UPF2: variants seen among roughly 807,000 people sequenced by gnomAD.
UPF2 encodes the protein regulator of nonsense transcripts 2.
A neutral mutation model predicts 141.4 loss-of-function variants in UPF2; 17 were observed. That is an observed-to-expected ratio of 0.12 (90% CI 0.08 to 0.18). The LOEUF is 0.18. Among genes scored for constraint, UPF2 ranks in the 10% least tolerant of loss-of-function variants. The pLI is 1.00. For synonymous variants in UPF2, 540 were observed against 498.0 expected, an observed-to-expected ratio of 1.08 and a Z score of -1.12; for missense variants, 1,152 against 1,515.9, an observed-to-expected ratio of 0.76 and a Z score of 3.99.
At chr10:11,990,537 G>A (rs922170561) in intron 8 of UPF2, among the ~76,000 whole-genome samples, 6 of 151,902 alleles carry the variant, frequency 3.9e-5, no homozygotes, top group South Asian at 2.1e-4. Context: ...AAAATTAGCC[G>A]GGCGTGGTGG....
rs959101222 is a variant in UPF2 at position 11,939,110 on chromosome 10, T to C, written c.3379-2398A>G. ...GGGTCTCGATCTCCTGACCTCGTGATCCTCCCACCTCGGCCTCCCAAAGTG... is the reference window on the plus strand; with the variant it reads ...GGGTCTCGATCTCCTGACCTCGTGACCCTCCCACCTCGGCCTCCCAAAGTG... On this transcript the variant is annotated intron_variant, in intron 18 of 21. Transcript: ENST00000357604. The surrounding 1 kb of genome is among the most constrained non-coding windows in gnomAD (Gnocchi z 4.8). Among the ~76,000 whole-genome samples the C allele has an allele frequency of 6.6e-6, 1 of 152,038 alleles. No individual in the cohort carries two copies. Among genetic ancestry groups the C allele is most frequent in the Non-Finnish European group, 1.5e-5 (1 of 68,002 alleles).
intron 6 of UPF2, among the ~76,000 whole-genome samples, chr10:12,000,313 T>G (rs1363451238): frequency 6.6e-6 from 1 of 152,150 alleles, no homozygotes; most frequent in African/African-American, 2.4e-5. Flanking sequence ...CAGCATCCCT[T>G]CCCCCATGTT....
chr10:11,931,825 C>A lies in UPF2; in HGVS notation c.3547-43G>T. 6.4e-7 allele frequency: 1 copy of A among 1,562,836 alleles called. No individual in the cohort carries two copies. Among genetic ancestry groups the A allele is most frequent in the Admixed American group, 2.1e-5 (1 of 47,182 alleles). On this transcript the variant is annotated intron_variant, in intron 19 of 21. Coordinates refer to ENST00000357604, the MANE Select transcript of UPF2 (RefSeq NM_015542.4). The surrounding 1 kb of genome is among the most constrained non-coding windows in gnomAD (Gnocchi z 5.9). The stretch of plus-strand genomic sequence containing the variant: ...AGGAGTTACAAATAGTTTGAGAACA[C>A]TGAGAGAAAGAAAAAACAGACTTCA...
intron 16 of UPF2, among the ~76,000 whole-genome samples, chr10:11,948,005 TG>T (rs935320558): frequency 1.3e-4 from 19 of 151,730 alleles, no homozygotes; most frequent in Non-Finnish European, 1.5e-4. Flanking sequence ...TCCAGCACTT[TG>T]GGAGGCTGAG....
chr10:11,929,277 A>G (rs1832752742), intron 21 of UPF2, among the ~76,000 whole-genome samples: 1 of 152,364 alleles, frequency 6.6e-6, no homozygotes, highest in African/African-American at 2.4e-5. Flanking sequence ...CACAAAGCCT[A>G]TGATGTCTCT....
intron 15 of UPF2, among the ~76,000 whole-genome samples, chr10:11,951,452 T>A (rs941196905): frequency 1.3e-5 from 2 of 152,198 alleles, no homozygotes; most frequent in African/African-American, 4.8e-5. Flanking sequence ...TTTGTACTGG[T>A]TATTTCTAAA....
Position 11,959,185 on chromosome 10 carries a change from C to G in UPF2, c.2356G>C (p.Val786Leu). The G allele has an allele frequency of 2.5e-6, 4 of 1,600,422 alleles. No homozygotes were observed. Among genetic ancestry groups the G allele is most frequent in the Non-Finnish European group, 3.4e-6 (4 of 1,174,918 alleles). The change falls in exon 12 of 22, where the codon GTT (valine) becomes CTT (leucine). Residue 786 changes from valine to leucine, a missense_variant. Transcript: ENST00000357604. This position sits in a 1 kb window ranked among gnomAD's most constrained non-coding sequence, Gnocchi z 5.9. Reference protein sequence around the residue: ...RKLLYKDLSKVTTEKVLRQMR... With the variant: ...RKLLYKDLSKLTTEKVLRQMR... Reference sequence around the variant, plus strand: ...ATAAGATTTACCTTCTCGGTGGTAACCTTAGAGAGATCCTTGTACAAAAGT... The same window carrying G: ...ATAAGATTTACCTTCTCGGTGGTAAGCTTAGAGAGATCCTTGTACAAAAGT...
At chr10:11,962,413 TTA>T (rs1316440105) in intron 11 of UPF2, among the ~76,000 whole-genome samples, 2 of 152,178 alleles carry the variant, frequency 1.3e-5, no homozygotes, top group Admixed American at 1.3e-4. Context: ...AGGCAGAATT[TTA>T]GTCTTATCTT....
intron 10 of UPF2, among the ~76,000 whole-genome samples, chr10:11,965,987 C>T (rs568828684): frequency 6.6e-6 from 1 of 152,324 alleles, no homozygotes; most frequent in East Asian, 1.9e-4. Context: ...TCCATCTATT[C>T]TCCACCAGCT....
At chr10:11,967,074 T>C (rs988913647) in intron 10 of UPF2, among the ~76,000 whole-genome samples, 1 of 152,254 alleles carries the variant, frequency 6.6e-6, no homozygotes, top group Non-Finnish European at 1.5e-5. Context: ...TCCTAGTAGT[T>C]GTTTTAATCA....
chr10:11,921,452 G>A lies in UPF2; in HGVS notation c.3810-145C>T. The A allele has an allele frequency of 5.9e-6, 5 of 842,050 alleles. No homozygotes were observed. Among genetic ancestry groups the A allele is most frequent in the East Asian group, 2.5e-5 (1 of 40,588 alleles). The allele number at this position is 842,050 out of a possible 1,614,324, so 52.2% of individuals were successfully genotyped here. On this transcript the variant is annotated intron_variant, in intron 21 of 21. Coordinates refer to ENST00000357604, the MANE Select transcript of UPF2 (RefSeq NM_015542.4). The surrounding 1 kb of genome is among the most constrained non-coding windows in gnomAD (Gnocchi z 5.9). The stretch of plus-strand genomic sequence containing the variant: ...TGGCATCTGCGGGTTCCACATCCAT[G>A]GACCAAAAATATTCGGGGGAAAAAA...
At chr10:12,007,093 A>G (rs1050274861) in intron 4 of UPF2, among the ~76,000 whole-genome samples, 1 of 152,222 alleles carries the variant, frequency 6.6e-6, no homozygotes, top group Non-Finnish European at 1.5e-5. Flanking sequence ...AGCAGCCTGA[A>G]AAGACTAAGA....
chr10:11,986,849 G>GT (rs1031562479), intron 8 of UPF2, among the ~76,000 whole-genome samples: 27 of 152,196 alleles, frequency 1.8e-4, no homozygotes, highest in Non-Finnish European at 3.2e-4. Flanking sequence ...TCCAAATTGA[G>GT]TGAAGGAGGA....
At chr10:12,028,383 T>C (rs1834457286) in intron 3 of UPF2, among the ~76,000 whole-genome samples, 1 of 152,178 alleles carries the variant, frequency 6.6e-6, no homozygotes, top group African/African-American at 2.4e-5. Context: ...GCAAACCTGT[T>C]ATAGAGAGAA....
intron 21 of UPF2, among the ~76,000 whole-genome samples, chr10:11,923,611 C>T (rs1241302132): frequency 2.8e-5 from 4 of 145,436 alleles, no homozygotes; most frequent in Admixed American, 7.2e-5. Context: ...ACCCGGGAGG[C>T]GGAGGTTGCA....
chr10:12,042,895 C>T (rs1834765949), upstream of UPF2: 1 of 152,266 alleles, frequency 6.6e-6, no homozygotes, highest in East Asian at 1.9e-4. This position sits in a 1 kb window ranked among gnomAD's most constrained non-coding sequence, Gnocchi z 5.5. Context: ...GCCCGCCAGC[C>T]CTCCCGCCCG....
At chr10:11,976,524 C>T (rs1833508843) in intron 9 of UPF2, among the ~76,000 whole-genome samples, 1 of 152,242 alleles carries the variant, frequency 6.6e-6, no homozygotes, top group East Asian at 1.9e-4. Context: ...AAGTAAAAGA[C>T]ATTTTTAAGA....
At position 11,936,284 on chromosome 10, in the gene UPF2, C is replaced by T. The variant is rs113168940; in HGVS notation, c.3546+261G>A. Among the ~76,000 whole-genome samples the T allele has an allele frequency of 1.3e-5, 2 of 152,020 alleles. No homozygotes were observed. The highest frequency in any genetic ancestry group is 4.8e-5 in the African/African-American group (2 of 41,472). Reference sequence around the variant, plus strand: ...ACTCAGGAGGCTGAGGCAGAAGAATCGTTTGAACCTGGGAGGAGGAGGTTG... The same window carrying T: ...ACTCAGGAGGCTGAGGCAGAAGAATTGTTTGAACCTGGGAGGAGGAGGTTG... On this transcript the variant is annotated intron_variant, in intron 19 of 21. Coordinates refer to ENST00000357604, the MANE Select transcript of UPF2 (RefSeq NM_015542.4). The surrounding 1 kb of genome is among the most constrained non-coding windows in gnomAD (Gnocchi z 6.6).
At chr10:12,031,612 A>G (rs1386455558) in intron 2 of UPF2, among the ~76,000 whole-genome samples, 2 of 152,106 alleles carry the variant, frequency 1.3e-5, no homozygotes, top group African/African-American at 4.8e-5. Context: ...AATCTCTACA[A>G]AAAAATTTTA....
Sources: gnomAD v4.1 joint callset for allele counts (sites outside exome capture counted in the v4.1 genomes callset) on GRCh38, gnomAD v4.1.1 for gene constraint, Gnocchi (gnomAD v3.1) non-coding constraint, MANE v1.5 for transcripts, NCBI Gene and HGNC (gene_info 2026-07-23, HGNC 2026-07-21) for gene names.